Variants in PDE9A observed in about 807,000 individuals in gnomAD.
PDE9A encodes high affinity cGMP-specific 3',5'-cyclic phosphodiesterase 9A.
A neutral mutation model predicts 87.4 loss-of-function variants in PDE9A; 60 were observed. The ratio of observed to expected loss-of-function variants is 0.69; its 90% CI spans 0.56 to 0.85. The LOEUF is 0.85. Ranked by LOEUF, PDE9A falls within the 40% of genes least tolerant of loss-of-function variation. PDE9A has a pLI of 0.00. For synonymous variants in PDE9A, 272 were observed against 279.4 expected, an observed-to-expected ratio of 0.97 and a Z score of 0.27; for missense variants, 665 against 779.0, an observed-to-expected ratio of 0.85 and a Z score of 1.74.
Position 42,722,220 on chromosome 21 carries a change from C to A in PDE9A, c.263-9550C>A, listed in dbSNP as rs1335486732. Among the ~76,000 whole-genome samples, 1 of 152,146 alleles carries A rather than the reference C, an allele frequency of 6.6e-6. No homozygotes were observed. On this transcript the variant is annotated intron_variant, in intron 4 of 19. Transcript: ENST00000291539. The surrounding 1 kb of genome is among the most constrained non-coding windows in gnomAD (Gnocchi z 4.1). Reference sequence around the variant, plus strand: ...CTTGAACTTCTGACCTCATGATCCGCCCACCTCAGCCTCCAGAAGTGCTGA... The same window carrying A: ...CTTGAACTTCTGACCTCATGATCCGACCACCTCAGCCTCCAGAAGTGCTGA...
chr21:42,752,533 T>G (rs1166711289), intron 9 of PDE9A, among the ~76,000 whole-genome samples: 3 of 152,216 alleles, frequency 2.0e-5, no homozygotes, highest in Admixed American at 2.0e-4. Flanking sequence ...CATCCCAAAG[T>G]GCTGGGATTA....
At chr21:42,685,465 G>GTTTTTTTTTTTTTT (rs1555908731) in intron 1 of PDE9A, among the ~76,000 whole-genome samples, 3 of 87,774 alleles carry the variant, frequency 3.4e-5, no homozygotes, top group Non-Finnish European at 6.4e-5. Flanking sequence ...CCGAAAGGCA[G>GTTTTTTTTTTTTTT]TCTTTTTTTT....
At chr21:42,726,173 C>T (rs1302224272) in intron 4 of PDE9A, among the ~76,000 whole-genome samples, 1 of 152,114 alleles carries the variant, frequency 6.6e-6, no homozygotes, top group African/African-American at 2.4e-5. Flanking sequence ...TTGTTTTCTA[C>T]CATTGAGTTT....
intron 3 of PDE9A, chr21:42,697,366 A>G: frequency 8.7e-7 from 1 of 1,143,968 alleles, no homozygotes; most frequent in South Asian, 1.2e-5. Flanking sequence ...ATCACCATGA[A>G]CAGCTTGGTG....
chr21:42,670,329 C>T (rs1569117640), intron 1 of PDE9A, among the ~76,000 whole-genome samples: 5 of 109,412 alleles, frequency 4.6e-5, no homozygotes, highest in African/African-American at 1.5e-4. Context: ...CTCACATTCA[C>T]ACACATTCAC....
In PDE9A at chr21:42,722,014, T is replaced by C. The variant is rs2050584709; in HGVS notation, c.263-9756T>C. On this transcript the variant is annotated intron_variant, in intron 4 of 19. Coordinates refer to ENST00000291539, the MANE Select transcript of PDE9A (RefSeq NM_002606.3). The surrounding 1 kb of genome is among the most constrained non-coding windows in gnomAD (Gnocchi z 4.1). The stretch of plus-strand genomic sequence containing the variant: ...TTTTTTGAGATGGAATCTTGCTCTG[T>C]CACCAGGCTGGAGTGCAGTGGCACA... Among the ~76,000 whole-genome samples the C allele has an allele frequency of 6.6e-6, 1 of 151,590 alleles. No homozygotes were observed. Among genetic ancestry groups the C allele is most frequent in the Admixed American group, 6.6e-5 (1 of 15,234 alleles).
chr21:42,731,210 G>A (rs1417840220), intron 4 of PDE9A, among the ~76,000 whole-genome samples: 4 of 152,150 alleles, frequency 2.6e-5, no homozygotes, highest in African/African-American at 4.8e-5. Context: ...TGCCTGCCTC[G>A]GCCTCCCAAA....
chr21:42,689,770 G>A, intron 3 of PDE9A: 1 of 985,418 alleles, frequency 1.0e-6, no homozygotes, highest in Non-Finnish European at 1.2e-6. Context: ...GCTCTCTGCT[G>A]AGATGCCAAA....
At chr21:42,711,263 T>G (rs930607635) in intron 4 of PDE9A, among the ~76,000 whole-genome samples, 9 of 151,702 alleles carry the variant, frequency 5.9e-5, no homozygotes, top group African/African-American at 1.7e-4. Flanking sequence ...GTTTTGTTTT[T>G]TTTTTTTTTT....
Position 42,681,622 on chromosome 21 carries a change from T to TG in PDE9A, c.70-4565dup, listed in dbSNP as rs1206892890. ...ATTATGAAGAGGCATCAATTTCCAG[T>TG]GGGGGAGCCGCCCTCTGTCTCATCA... is the stretch of plus-strand genomic sequence containing the variant. On this transcript the variant is annotated intron_variant, in intron 1 of 19. Coordinates refer to ENST00000291539, the MANE Select transcript of PDE9A (RefSeq NM_002606.3). Among the ~76,000 whole-genome samples, 26 of 152,266 alleles carry TG rather than the reference T, an allele frequency of 1.7e-4. No homozygotes were observed. The South Asian group carries it at 3.1e-3, about 18-fold the overall frequency.
At chr21:42,697,977 C>G (rs918032047) in intron 3 of PDE9A, among the ~76,000 whole-genome samples, 1 of 152,196 alleles carries the variant, frequency 6.6e-6, no homozygotes, top group Non-Finnish European at 1.5e-5. Flanking sequence ...TCTTTCAACC[C>G]ACCTGCACCT....
In PDE9A at chr21:42,727,501, T is replaced by TTTTTC. The variant is rs2051262106; in HGVS notation, c.263-4265_263-4264insCTTTT. On this transcript the variant is annotated intron_variant, in intron 4 of 19. Coordinates refer to ENST00000291539, the MANE Select transcript of PDE9A (RefSeq NM_002606.3). ...ACCACGCCTGGCTATTTTTTTTTTTTTTTTTTTTTTTTGTAGAGATGGAGA... is the reference window on the plus strand; with the variant it reads ...ACCACGCCTGGCTATTTTTTTTTTTTTTTTCTTTTTTTTTTTTGTAGAGATGGAGA... 1.6e-5 allele frequency among the ~76,000 whole-genome samples: 2 copies of TTTTTC among 125,348 alleles called. 1 individual carries two copies. The highest frequency in any genetic ancestry group is 6.3e-4 in the East Asian group (2 of 3,200). The allele number at this position is 125,348 out of a possible 152,430, so 82.2% of individuals were successfully genotyped here.
At chr21:42,669,968 C>T (rs983648050) in intron 1 of PDE9A, among the ~76,000 whole-genome samples, 2 of 152,150 alleles carry the variant, frequency 1.3e-5, no homozygotes, top group Admixed American at 1.3e-4. Flanking sequence ...TCAAGGTGTG[C>T]TTTAAGGATC....
chr21:42,759,138 TC>T lies in PDE9A; in HGVS notation c.897+55del. The T allele has an allele frequency of 7.6e-7, 1 of 1,311,092 alleles. No homozygotes were observed. Among genetic ancestry groups the T allele is most frequent in the Non-Finnish European group, 1.1e-6 (1 of 906,408 alleles). The allele number at this position is 1,311,092 out of a possible 1,614,324, so 81.2% of individuals were successfully genotyped here. On this transcript the variant is annotated intron_variant, in intron 11 of 19. Coordinates refer to ENST00000291539, the MANE Select transcript of PDE9A (RefSeq NM_002606.3). This position sits in a 1 kb window ranked among gnomAD's most constrained non-coding sequence, Gnocchi z 7.2. ...TCCTGGGCACGTGGTTTCATCCAGT[TC>T]CACAGGAATGGAGGGAATGGATCAC...
At chr21:42,740,737 T>C (rs1221910341) in intron 7 of PDE9A, among the ~76,000 whole-genome samples, 30 of 141,100 alleles carry the variant, frequency 2.1e-4, no homozygotes, top group Admixed American at 1.7e-3. Flanking sequence ...GATAGATAGA[T>C]AGATAGATAG....
intron 1 of PDE9A, among the ~76,000 whole-genome samples, chr21:42,681,718 C>T (rs1195073455): frequency 6.6e-6 from 1 of 152,196 alleles, no homozygotes; most frequent in Non-Finnish European, 1.5e-5. Context: ...TTGTGATGAC[C>T]TGCCGTGCAT....
At chr21:42,667,067 C>G (rs1212744340) in intron 1 of PDE9A, among the ~76,000 whole-genome samples, 1 of 151,750 alleles carries the variant, frequency 6.6e-6, no homozygotes, top group East Asian at 1.9e-4. Flanking sequence ...TGCCCATTCA[C>G]TCCCTGTACA....
At position 42,743,645 on chromosome 21, in the gene PDE9A, C is replaced by T. The variant is rs184453834; in HGVS notation, c.569-131C>T. 1.4e-4 allele frequency: 84 copies of T among 620,308 alleles called. No homozygotes were observed. The African/African-American group carries it at 1.4e-3, about 10-fold the overall frequency. 38.4% of individuals were successfully genotyped at this position (620,308 alleles called of 1,614,324 possible). On this transcript the variant is annotated intron_variant, in intron 7 of 19. Coordinates refer to ENST00000291539, the MANE Select transcript of PDE9A (RefSeq NM_002606.3). Reference sequence around the variant, plus strand: ...AAAACCTGAGTATCGGCAGCCAGGGCAGGTGTGGGGACCTCTGCACTGAGG... The same window carrying T: ...AAAACCTGAGTATCGGCAGCCAGGGTAGGTGTGGGGACCTCTGCACTGAGG...
chr21:42,768,353 G>T, intron 16 of PDE9A, 61 bp downstream of exon 16: 1 of 1,205,228 alleles, frequency 8.3e-7, no homozygotes, highest in Non-Finnish European at 1.2e-6. Context: ...CTTAGTAAGG[G>T]TTTGCGTTAA....
Sources: allele counts gnomAD v4.1 joint callset (sites outside exome capture counted in the v4.1 genomes callset), GRCh38; gene constraint gnomAD v4.1.1; non-coding constraint Gnocchi (gnomAD v3.1); transcripts MANE v1.5; gene names NCBI Gene and HGNC (gene_info 2026-07-23, HGNC 2026-07-21).